LIMCH1: variants seen among roughly 807,000 people sequenced by gnomAD.
The protein encoded by LIMCH1 is LIM and calponin homology domains-containing protein 1.
LIMCH1 carries 113 observed loss-of-function variants against 176.5 expected under a neutral mutation model. The ratio of observed to expected loss-of-function variants is 0.64; its 90% CI spans 0.55 to 0.75. LIMCH1 has a LOEUF of 0.75. Among genes scored for constraint, LIMCH1 ranks in the 30% least tolerant of loss-of-function variants. The pLI is 0.00. For synonymous variants in LIMCH1, 619 were observed against 645.9 expected, an observed-to-expected ratio of 0.96 and a Z score of 0.63; for missense variants, 1,674 against 1,814.9, an observed-to-expected ratio of 0.92 and a Z score of 1.41.
At chr4:41,661,585 T>A in intron 19 of LIMCH1, 75 bp downstream of exon 19, 1 of 1,102,626 alleles carries the variant, frequency 9.1e-7, no homozygotes, top group Non-Finnish European at 1.4e-6. Context: ...AGTCAAGAAT[T>A]TTTCCTACTG....
At chr4:41,504,486 C>G (rs1487119320) in intron 2 of LIMCH1, among the ~76,000 whole-genome samples, 2 of 152,252 alleles carry the variant, frequency 1.3e-5, no homozygotes, top group South Asian at 4.1e-4. Context: ...AGATAATTCA[C>G]CTCCTCTGCC....
intron 1 of LIMCH1, among the ~76,000 whole-genome samples, chr4:41,552,347 G>A (rs10007810): frequency 0.4 from 60,912 of 152,084 alleles, 18,180 homozygotes; most frequent in African/African-American, 0.85. Context: ...CCCTCTATCT[G>A]TGTGGTGCAT....
At chr4:41,462,055 C>G (rs2065439936) in intron 1 of LIMCH1, among the ~76,000 whole-genome samples, 1 of 152,130 alleles carries the variant, frequency 6.6e-6, no homozygotes, top group African/African-American at 2.4e-5. Flanking sequence ...GCAAAGTTCT[C>G]TTTGTATGAT....
intron 1 of LIMCH1, among the ~76,000 whole-genome samples, chr4:41,554,976 T>C (rs1205651723): frequency 6.6e-6 from 1 of 152,198 alleles, no homozygotes; most frequent in Non-Finnish European, 1.5e-5. Context: ...AAAGGCATTA[T>C]CCACTTTGTG....
intron 17 of LIMCH1, among the ~76,000 whole-genome samples, chr4:41,650,071 T>C (rs6447099): frequency 0.098 from 14,898 of 152,224 alleles, 1,193 homozygotes; most frequent in African/African-American, 0.22. Flanking sequence ...GGAACCCCAA[T>C]ATGTGGCATG....
chr4:41,470,053 A>G (rs2066723296), intron 1 of LIMCH1, among the ~76,000 whole-genome samples: 1 of 152,168 alleles, frequency 6.6e-6, no homozygotes, highest in African/African-American at 2.4e-5. Flanking sequence ...TTCATGGATA[A>G]TAACTGCAGT....
intron 1 of LIMCH1, among the ~76,000 whole-genome samples, chr4:41,429,673 A>C (rs1006002566): frequency 6.6e-6 from 1 of 152,160 alleles, no homozygotes; most frequent in Admixed American, 6.5e-5. Flanking sequence ...TTCTTCATTA[A>C]ATTTTCATTC....
intron 2 of LIMCH1, among the ~76,000 whole-genome samples, chr4:41,512,787 G>T (rs2075089948): frequency 1.3e-5 from 2 of 152,168 alleles, no homozygotes; most frequent in African/African-American, 4.8e-5. Flanking sequence ...TAATGGATTT[G>T]GGGCTTCTGC....
At position 41,583,549 on chromosome 4, in the gene LIMCH1, A is replaced by G. The variant is rs902538181; in HGVS notation, c.-240-15371A>G. On this transcript the variant is annotated intron_variant, in intron 1 of 31. Transcript: ENST00000503057. ...ATCCATGGAAAATTTATTATTTTGA[A>G]TATACTTTTTTTTCAACATTCCTTG... Among the ~76,000 whole-genome samples, 3 of 152,228 alleles carry G rather than the reference A, an allele frequency of 2.0e-5. No homozygotes were observed. In the South Asian group the frequency reaches 6.2e-4, roughly 32 times the overall value.
intron 7 of LIMCH1, among the ~76,000 whole-genome samples, chr4:41,623,392 G>A (rs1452250492): frequency 6.6e-6 from 1 of 152,176 alleles, no homozygotes; most frequent in African/African-American, 2.4e-5. Context: ...CCGAGGGGAA[G>A]AGCATATAGA....
At chr4:41,681,335 G>A (rs1228510938) in intron 25 of LIMCH1, among the ~76,000 whole-genome samples, 1 of 152,090 alleles carries the variant, frequency 6.6e-6, no homozygotes, top group Non-Finnish European at 1.5e-5. Flanking sequence ...CACCTGGCTG[G>A]CAAGATCTCA....
chr4:41,609,337 A>T (rs2091144336), intron 4 of LIMCH1, among the ~76,000 whole-genome samples: 1 of 151,836 alleles, frequency 6.6e-6, no homozygotes, highest in South Asian at 2.1e-4. Context: ...TTTAAGACCC[A>T]TGAAGACAGG....
At chr4:41,604,356 T>A (rs901729144) in intron 3 of LIMCH1, 1 of 321,834 alleles carries the variant, frequency 3.1e-6, no homozygotes, top group Non-Finnish European at 4.5e-6. Flanking sequence ...TCTTTTGCAC[T>A]TTTATTAGTA....
At chr4:41,458,713 G>A (rs995190317) in intron 1 of LIMCH1, among the ~76,000 whole-genome samples, 6 of 148,162 alleles carry the variant, frequency 4.0e-5, no homozygotes, top group Non-Finnish European at 7.4e-5. Context: ...GGCGGAGGTT[G>A]CAGTAAGCTG....
chr4:41,542,279 C>T (rs2078764115), intron 1 of LIMCH1, among the ~76,000 whole-genome samples: 1 of 152,044 alleles, frequency 6.6e-6, no homozygotes, highest in African/African-American at 2.4e-5. Context: ...ATTTTATTTA[C>T]ACTGCTAGTG....
chr4:41,589,654 G>A (rs371521064), intron 1 of LIMCH1, among the ~76,000 whole-genome samples: 2 of 152,178 alleles, frequency 1.3e-5, no homozygotes, highest in East Asian at 1.9e-4. Flanking sequence ...CTTCAGGCAC[G>A]ATGAACTTGT....
At chr4:41,679,927 C>T in intron 23 of LIMCH1, 79 bp from the exon 24 acceptor site, 1 of 829,422 alleles carries the variant, frequency 1.2e-6, no homozygotes, top group South Asian at 1.5e-5. Flanking sequence ...ACATATTGTA[C>T]ATGGTGGTTT....
intron 13 of LIMCH1, among the ~76,000 whole-genome samples, chr4:41,635,342 C>T (rs1387069337): frequency 6.6e-6 from 1 of 152,118 alleles, no homozygotes; most frequent in African/African-American, 2.4e-5. Context: ...ATTCTTATGC[C>T]TCAGCCTCCT....
intron 1 of LIMCH1, among the ~76,000 whole-genome samples, chr4:41,377,396 A>C (rs536910010): frequency 6.6e-6 from 1 of 152,344 alleles, no homozygotes; most frequent in African/African-American, 2.4e-5. Flanking sequence ...AAAACAAGTG[A>C]TATGGCCAAG....
Sources: allele counts gnomAD v4.1 joint callset (sites outside exome capture counted in the v4.1 genomes callset), GRCh38; gene constraint gnomAD v4.1.1; transcripts MANE v1.5; gene names NCBI Gene and HGNC (gene_info 2026-07-23, HGNC 2026-07-21).